Variants in TMEM132C observed in about 807,000 individuals in gnomAD.
The protein encoded by TMEM132C is transmembrane protein 132C.
In TMEM132C, 29 loss-of-function variants were observed where a neutral mutation model predicts 61.4. That is an observed-to-expected ratio of 0.47 (90% CI 0.35 to 0.64). The LOEUF is 0.64. Ranked by LOEUF, TMEM132C falls within the 30% of genes least tolerant of loss-of-function variation. The pLI, the probability that TMEM132C is intolerant of heterozygous loss-of-function variation, is 0.00. For synonymous variants in TMEM132C, 656 were observed against 633.1 expected, an observed-to-expected ratio of 1.04 and a Z score of -0.54; for missense variants, 1,408 against 1,476.9, an observed-to-expected ratio of 0.95 and a Z score of 0.76.
intron 4 of TMEM132C, among the ~76,000 whole-genome samples, chr12:128,649,802 AAG>A (rs1954249924): frequency 2.0e-5 from 3 of 152,224 alleles, no homozygotes; most frequent in African/African-American, 7.2e-5. Flanking sequence ...AGGCATTCCA[AAG>A]ATGGTGCCTG....
intron 5 of TMEM132C, among the ~76,000 whole-genome samples, chr12:128,685,149 C>T (rs1954664175): frequency 6.6e-6 from 1 of 152,072 alleles, no homozygotes; most frequent in African/African-American, 2.4e-5. Flanking sequence ...TTGCCAGTGT[C>T]CTCTGCCTAA....
At chr12:128,664,251 T>C (rs10847661) in intron 4 of TMEM132C, among the ~76,000 whole-genome samples, 70,738 of 122,150 alleles carry the variant, frequency 0.58, 17,425 homozygotes, top group East Asian at 0.69. Flanking sequence ...CAGAAGTAAT[T>C]CCATGTTCTT....
chr12:128,578,620 C>A (rs1875213309), intron 3 of TMEM132C, among the ~76,000 whole-genome samples: 1 of 152,086 alleles, frequency 6.6e-6, no homozygotes. Context: ...ATTGTTGAGA[C>A]AGAGTCTTGC....
chr12:128,343,223 A>G (rs1321628238), intron 1 of TMEM132C, among the ~76,000 whole-genome samples: 1 of 152,140 alleles, frequency 6.6e-6, no homozygotes, highest in Non-Finnish European at 1.5e-5. Flanking sequence ...CAAGAGATTG[A>G]GACCATCCTG....
chr12:128,517,283 A>G (rs1261537172), intron 2 of TMEM132C, among the ~76,000 whole-genome samples: 2 of 151,526 alleles, frequency 1.3e-5, no homozygotes, highest in Admixed American at 6.6e-5. Flanking sequence ...CAAATATACA[A>G]AAAATTAGCC....
At chr12:128,268,414 G>T (rs1409274861) in intron 1 of TMEM132C, among the ~76,000 whole-genome samples, 7 of 152,206 alleles carry the variant, frequency 4.6e-5, no homozygotes, top group African/African-American at 1.7e-4. Context: ...CCGCGGGGCA[G>T]GCGGGGAGCA....
chr12:128,687,724 CA>C (rs1430283743), intron 5 of TMEM132C, among the ~76,000 whole-genome samples: 1 of 152,168 alleles, frequency 6.6e-6, no homozygotes, highest in Non-Finnish European at 1.5e-5. Flanking sequence ...AGGATTTTTC[CA>C]GAGCTGAAAA....
At chr12:128,564,439 C>A (rs923099052) in intron 3 of TMEM132C, among the ~76,000 whole-genome samples, 10 of 152,194 alleles carry the variant, frequency 6.6e-5, no homozygotes, top group African/African-American at 1.4e-4. Flanking sequence ...ACAAACTGTG[C>A]CGCCTGGCCT....
At chr12:128,683,190 G>A (rs1040543175) in intron 5 of TMEM132C, among the ~76,000 whole-genome samples, 19 of 152,128 alleles carry the variant, frequency 1.2e-4, no homozygotes, top group African/African-American at 4.6e-4. Flanking sequence ...ACCCTTCTGG[G>A]GCTAATATGT....
chr12:128,325,549 CAG>C (rs373321909), intron 1 of TMEM132C, among the ~76,000 whole-genome samples: 10 of 152,202 alleles, frequency 6.6e-5, no homozygotes, highest in African/African-American at 2.4e-4. Context: ...TATGTATATA[CAG>C]AGTGTATATT....
chr12:128,618,024 G>C (rs760010318), intron 4 of TMEM132C, among the ~76,000 whole-genome samples: 3 of 152,170 alleles, frequency 2.0e-5, no homozygotes, highest in Non-Finnish European at 4.4e-5. Flanking sequence ...AAATGGTCCT[G>C]TCTAGCTTCT....
chr12:128,665,069 A>G (rs1487803268), intron 4 of TMEM132C, among the ~76,000 whole-genome samples: 2 of 151,064 alleles, frequency 1.3e-5, no homozygotes, highest in South Asian at 2.1e-4. Flanking sequence ...GCACTCTCAC[A>G]TACACAAACA....
chr12:128,578,734 A>C (rs1875218669), intron 3 of TMEM132C, among the ~76,000 whole-genome samples: 1 of 151,938 alleles, frequency 6.6e-6, no homozygotes, highest in Non-Finnish European at 1.5e-5. Context: ...AGTAGCTGGG[A>C]TCACAGGTAC....
rs1337548841 is a variant in TMEM132C, at chr12:128,278,975, C to G, written c.85+11488C>G. Among the ~76,000 whole-genome samples the G allele has an allele frequency of 6.6e-6, 1 of 152,122 alleles. No homozygotes were observed. The highest frequency in any genetic ancestry group is 1.5e-5 in the Non-Finnish European group (1 of 68,022). Reference sequence around the variant, plus strand: ...GCAACATTAGGTCTTCCTTGGGTCTCCAGCCTGCCAGCCCACCCTACAGAT... The same window carrying G: ...GCAACATTAGGTCTTCCTTGGGTCTGCAGCCTGCCAGCCCACCCTACAGAT... On this transcript the variant is annotated intron_variant, in intron 1 of 8. Transcript: ENST00000435159. The surrounding 1 kb of genome is among the most constrained non-coding windows in gnomAD (Gnocchi z 4.2).
At chr12:128,497,817 C>T (rs188340121) in intron 2 of TMEM132C, among the ~76,000 whole-genome samples, 63 of 152,242 alleles carry the variant, frequency 4.1e-4, no homozygotes, top group African/African-American at 8.2e-4. Flanking sequence ...GGCTCACACT[C>T]GGCTGCACCC....
At position 128,543,719 on chromosome 12, in the gene TMEM132C, G is replaced by T. The variant is rs140713010; in HGVS notation, c.975-238G>T. Among the ~76,000 whole-genome samples the T allele has an allele frequency of 1.2e-3, 190 of 152,176 alleles. 1 individual carries two copies. The highest frequency in any genetic ancestry group is 4.5e-3 in the African/African-American group (186 of 41,538). ...CCTCCTGGTCTGGTGAATTCCAGGGGTCCTTTTTCCTCCCCCTCAGAACCG... is the reference window on the plus strand; with the variant it reads ...CCTCCTGGTCTGGTGAATTCCAGGGTTCCTTTTTCCTCCCCCTCAGAACCG... On this transcript the variant is annotated intron_variant, in intron 2 of 8. Coordinates refer to ENST00000435159, the MANE Select transcript of TMEM132C (RefSeq NM_001136103.3).
intron 1 of TMEM132C, among the ~76,000 whole-genome samples, chr12:128,364,066 C>T (rs942595995): frequency 1.3e-5 from 2 of 152,054 alleles, no homozygotes; most frequent in African/African-American, 2.4e-5. Context: ...TTAGATTCCT[C>T]ATGGCTGGAG....
intron 3 of TMEM132C, among the ~76,000 whole-genome samples, chr12:128,577,677 T>A (rs1322186761): frequency 2.0e-5 from 3 of 152,250 alleles, no homozygotes; most frequent in African/African-American, 7.2e-5. Flanking sequence ...AGCCTTGCCC[T>A]CCTGAAGTGG....
intron 1 of TMEM132C, among the ~76,000 whole-genome samples, chr12:128,362,486 T>A (rs1370793387): frequency 1.3e-5 from 2 of 152,206 alleles, no homozygotes; most frequent in Non-Finnish European, 2.9e-5. Flanking sequence ...GAGAGTCTTG[T>A]TCATTCTCTG....
Sources: allele counts gnomAD v4.1 joint callset (sites outside exome capture counted in the v4.1 genomes callset), GRCh38; gene constraint gnomAD v4.1.1; non-coding constraint Gnocchi (gnomAD v3.1); transcripts MANE v1.5; gene names NCBI Gene and HGNC (gene_info 2026-07-23, HGNC 2026-07-21).